HGSNAT: variants seen among roughly 807,000 people sequenced by gnomAD.
HGSNAT encodes heparan-alpha-glucosaminide N-acetyltransferase.
Under a neutral mutation model 85.2 loss-of-function variants are expected in HGSNAT, and 59 were observed. That is an observed-to-expected ratio of 0.69 (90% CI 0.56 to 0.86). The LOEUF (loss-of-function observed/expected upper bound fraction) is 0.86, where lower values mean the gene tolerates loss of function less well. HGSNAT is among the 40% of genes least tolerant of loss of function. The pLI is 0.00. For missense variants in HGSNAT, 756 were observed against 777.1 expected (o/e 0.97, Z 0.32); for synonymous variants, 321 against 304.5 (o/e 1.05, Z -0.56).
At chr8:43,168,867 G>C (rs1803518723) in intron 5 of HGSNAT, among the ~76,000 whole-genome samples, 1 of 152,064 alleles carries the variant, frequency 6.6e-6, no homozygotes, top group South Asian at 2.1e-4. Flanking sequence ...AATTTTAATA[G>C]TATTATTAGT....
At chr8:43,179,534 ACCCCCCCCACCG>A (rs1803962720) in intron 10 of HGSNAT, among the ~76,000 whole-genome samples, 1 of 35,666 alleles carries the variant, frequency 2.8e-5, no homozygotes, top group African/African-American at 1.1e-4. Flanking sequence ...CGGCTGGCCG[ACCCCCCCCACCG>A]CCTCCCTCCC....
At chr8:43,140,725 C>A in intron 1 of HGSNAT, 111 bp downstream of exon 1, 2 of 400,778 alleles carry the variant, frequency 5.0e-6, no homozygotes, top group Non-Finnish European at 7.3e-6. Flanking sequence ...CGGGCCGGAA[C>A]CGCCCCCGTG....
rs148737843 is a variant in HGSNAT at position 43,163,631 on chromosome 8, A to G, written c.563+2124A>G. Among the ~76,000 whole-genome samples the G allele has an allele frequency of 4.4e-3, 661 of 151,362 alleles. 8 individuals are homozygous for G. Among genetic ancestry groups the G allele is most frequent in the African/African-American group, 0.015 (632 of 41,162 alleles). ...AACCTCTGCCTCTGGGTTTTAAGAA[A>G]TTCTCTGCCTCAGCCTCCCAAATAG... On this transcript the variant is annotated intron_variant, in intron 5 of 17. Coordinates refer to ENST00000379644, the MANE Select transcript of HGSNAT (RefSeq NM_152419.3).
At chr8:43,173,236 C>T (rs1228592569) in intron 8 of HGSNAT, among the ~76,000 whole-genome samples, 1 of 152,172 alleles carries the variant, frequency 6.6e-6, no homozygotes, top group Non-Finnish European at 1.5e-5. Context: ...GCGATCCTCC[C>T]ACCTTAGCCT....
At chr8:43,143,543 T>TC in intron 1 of HGSNAT, among the ~76,000 whole-genome samples, 1 of 146,938 alleles carries the variant, frequency 6.8e-6, no homozygotes, top group East Asian at 2.0e-4. Flanking sequence ...CTTTCTTTCT[T>TC]TTTTTTTTTT....
At chr8:43,186,067 G>C (rs1247251239) in intron 11 of HGSNAT, among the ~76,000 whole-genome samples, 1 of 152,064 alleles carries the variant, frequency 6.6e-6, no homozygotes, top group Non-Finnish European at 1.5e-5. Context: ...TTTTTGCATC[G>C]ATGTTCATCA....
At chr8:43,144,723 A>G (rs1213153825) in intron 1 of HGSNAT, among the ~76,000 whole-genome samples, 2 of 152,046 alleles carry the variant, frequency 1.3e-5, no homozygotes, top group Non-Finnish European at 2.9e-5. Context: ...TATTATTATT[A>G]TTTTGCTGAA....
At chr8:43,164,650 G>A (rs1364362580) in intron 5 of HGSNAT, among the ~76,000 whole-genome samples, 8 of 152,040 alleles carry the variant, frequency 5.3e-5, no homozygotes, top group African/African-American at 7.2e-5. Context: ...GCGTGGCGGC[G>A]CACGCCTGTA....
chr8:43,181,024 G>A (rs1266342927), intron 10 of HGSNAT, among the ~76,000 whole-genome samples: 9 of 111,128 alleles, frequency 8.1e-5, no homozygotes, highest in African/African-American at 3.1e-4. Flanking sequence ...GGAGGTTGCA[G>A]TGAGCCGAGA....
At chr8:43,166,042 C>A (rs1803424298) in intron 5 of HGSNAT, among the ~76,000 whole-genome samples, 1 of 152,204 alleles carries the variant, frequency 6.6e-6, no homozygotes, top group African/African-American at 2.4e-5. Context: ...AAGCCAAAGC[C>A]TAATCCAGAG....
intron 11 of HGSNAT, among the ~76,000 whole-genome samples, chr8:43,189,651 A>G (rs1309332454): frequency 6.6e-6 from 1 of 152,156 alleles, no homozygotes; most frequent in African/African-American, 2.4e-5. Flanking sequence ...TGAACCCGGT[A>G]CCTCAGTTGG....
intron 11 of HGSNAT, among the ~76,000 whole-genome samples, chr8:43,191,232 T>C (rs1804515952): frequency 1.3e-5 from 2 of 152,204 alleles, no homozygotes; most frequent in African/African-American, 4.8e-5. Flanking sequence ...TGTGTGAACA[T>C]ATGTTTTCAG....
chr8:43,160,988 G>A (rs1197632242), intron 4 of HGSNAT, among the ~76,000 whole-genome samples: 1 of 152,198 alleles, frequency 6.6e-6, no homozygotes, highest in Non-Finnish European at 1.5e-5. Context: ...CAGCAAAAGC[G>A]AGGCTGGGTC....
At chr8:43,143,673 G>A (rs528175545) in intron 1 of HGSNAT, among the ~76,000 whole-genome samples, 175 of 151,876 alleles carry the variant, frequency 1.2e-3, no homozygotes, top group Non-Finnish European at 2.2e-3. Context: ...GAGTAGCTGG[G>A]ACTATAGGCA....
In HGSNAT at chr8:43,197,242, C is replaced by T. The variant is rs922907946; in HGVS notation, c.1542+217C>T. ...GTCTTTATCAATAAGGCAGTGTTTG[C>T]CATCAGATAGCCAGGAATGCCTGAA... On this transcript the variant is annotated intron_variant, in intron 15 of 17. Coordinates refer to ENST00000379644, the MANE Select transcript of HGSNAT (RefSeq NM_152419.3). 12 of 582,394 alleles carry T rather than the reference C, an allele frequency of 2.1e-5. No individual in the cohort carries two copies. The Admixed American group carries it at 2.7e-4, about 13-fold the overall frequency. The allele number at this position is 582,394 out of a possible 1,614,324, so 36.1% of individuals were successfully genotyped here.
rs550905159 is a variant in HGSNAT, at chr8:43,144,273, C to T, written c.119-2675C>T. 2.7e-3 allele frequency among the ~76,000 whole-genome samples: 397 copies of T among 148,214 alleles called. 3 individuals are homozygous for T. The highest frequency in any genetic ancestry group is 3.5e-3 in the Middle Eastern group (1 of 282). Reference sequence around the variant, plus strand: ...TCAGGAGGTTGAGGCTGCAGTGGGCCGAGATCTTGCCACTGCACTCCAGCC... The same window carrying T: ...TCAGGAGGTTGAGGCTGCAGTGGGCTGAGATCTTGCCACTGCACTCCAGCC... On this transcript the variant is annotated intron_variant, in intron 1 of 17. Coordinates refer to ENST00000379644, the MANE Select transcript of HGSNAT (RefSeq NM_152419.3).
intron 9 of HGSNAT, among the ~76,000 whole-genome samples, chr8:43,177,112 A>G (rs186173146): frequency 6.6e-6 from 1 of 152,324 alleles, no homozygotes; most frequent in East Asian, 1.9e-4. Flanking sequence ...AAAAGTAGGC[A>G]TCCTTGTCAT....
At chr8:43,198,280 CTTTTTT>C (rs59416007) in intron 17 of HGSNAT, among the ~76,000 whole-genome samples, 2 of 90,330 alleles carry the variant, frequency 2.2e-5, no homozygotes, top group Non-Finnish European at 4.2e-5. Context: ...GTTTCTGGTT[CTTTTTT>C]TTTTTTTTTT....
rs1287604162 is a variant in HGSNAT at position 43,170,578 on chromosome 8, T to C, written c.634-7T>C. ...GAGTTGTCATCTTTCTCCCTTTTTT[T>C]CTGAAGGAGCTGGGATCTCCCAGCA... On this transcript the variant is annotated splice_region_variant and splice_polypyrimidine_tract_variant and intron_variant, in intron 6 of 17. Transcript: ENST00000379644. 3 of 1,594,556 alleles carry C rather than the reference T, an allele frequency of 1.9e-6. No homozygotes were observed. The highest frequency in any genetic ancestry group is 2.6e-6 in the Non-Finnish European group (3 of 1,169,070).
Sources: gnomAD v4.1 joint callset for allele counts (sites outside exome capture counted in the v4.1 genomes callset) on GRCh38, gnomAD v4.1.1 for gene constraint, MANE v1.5 for transcripts, NCBI Gene and HGNC (gene_info 2026-07-23, HGNC 2026-07-21) for gene names.